The following CADPS2 variants were observed in gnomAD, a reference collection of about 807,000 sequenced individuals.
CADPS2 encodes the protein calcium-dependent secretion activator 2.
A neutral mutation model predicts 172.5 loss-of-function variants in CADPS2; 93 were observed. The observed-to-expected ratio is 0.54, with a 90% CI of 0.46 to 0.64. CADPS2 has a LOEUF of 0.64. Among genes scored for constraint, CADPS2 ranks in the 30% least tolerant of loss-of-function variants. The pLI is 0.00. For missense variants in CADPS2, 1,420 were observed against 1,565.9 expected (o/e 0.91, Z 1.57); for synonymous variants, 546 against 555.2 (o/e 0.98, Z 0.23).
intron 1 of CADPS2, among the ~76,000 whole-genome samples, chr7:122,847,547 G>T (rs1160132530): frequency 6.6e-6 from 1 of 151,488 alleles, no homozygotes; most frequent in Non-Finnish European, 1.5e-5. Flanking sequence ...CCATTAGTTT[G>T]TTATATAAAA....
intron 25 of CADPS2, among the ~76,000 whole-genome samples, chr7:122,364,859 A>G (rs967430277): frequency 6.6e-6 from 1 of 152,228 alleles, no homozygotes. Context: ...AGAGATAGAC[A>G]TGAACATAAC....
chr7:122,438,410 C>T lies in CADPS2; in HGVS notation c.2407G>A (p.Val803Ile). ...PIPAEEVKKV[V>I]RKCLEKAALI... ...GCAGCTTTCTCGAGACATTTTCTGA[C>T]CACTTTCTTCACCTCTTCTGCTGGT... The change falls in exon 17 of 30, where the codon GTC (valine) becomes ATC (isoleucine). Residue 803 changes from valine to isoleucine, a missense_variant. Physicochemically the swap from Val to Ile is conservative, Grantham distance 29. Coordinates refer to ENST00000449022, the MANE Select transcript of CADPS2 (RefSeq NM_017954.11). 1.2e-6 allele frequency: 2 copies of T among 1,613,202 alleles called. No individual in the cohort carries two copies. The highest frequency in any genetic ancestry group is 1.7e-6 in the Non-Finnish European group (2 of 1,179,412).
At chr7:122,514,328 AT>A (rs200119221) in intron 8 of CADPS2, among the ~76,000 whole-genome samples, 2,129 of 152,232 alleles carry the variant, frequency 0.014, 52 homozygotes, top group African/African-American at 0.049. Flanking sequence ...ATTCTGAGTG[AT>A]TTTTTTAAAG....
chr7:122,459,983 G>T lies in CADPS2; in HGVS notation c.2187-8508C>A, dbSNP rs752621099. Among the ~76,000 whole-genome samples, 3 of 152,274 alleles carry T rather than the reference G, an allele frequency of 2.0e-5. No individual in the cohort carries two copies. In the East Asian group the frequency reaches 5.8e-4, roughly 29 times the overall value. On this transcript the variant is annotated intron_variant, in intron 14 of 29. Coordinates refer to ENST00000449022, the MANE Select transcript of CADPS2 (RefSeq NM_017954.11). ...TCAGAGAAGGATTCAGTTTGGAAAT[G>T]ATATTTAACCTGAAATGTGATGAAT...
intron 9 of CADPS2, among the ~76,000 whole-genome samples, chr7:122,512,791 TA>T (rs1460819287): frequency 6.6e-6 from 1 of 152,188 alleles, no homozygotes; most frequent in Non-Finnish European, 1.5e-5. Flanking sequence ...TCTCAAGGTA[TA>T]GTCTTGGAAT....
chr7:122,885,113 T>C (rs1823983026), intron 1 of CADPS2, among the ~76,000 whole-genome samples: 1 of 152,186 alleles, frequency 6.6e-6, no homozygotes, highest in African/African-American at 2.4e-5. Context: ...AAAGATTTCC[T>C]AGAGTTTGTA....
At chr7:122,361,445 G>A (rs1009591437) in intron 25 of CADPS2, among the ~76,000 whole-genome samples, 1 of 151,866 alleles carries the variant, frequency 6.6e-6, no homozygotes, top group African/African-American at 2.4e-5. Context: ...TATTGGCCAG[G>A]CTGGTCTCAA....
At chr7:122,530,682 A>T (rs2061682159) in intron 8 of CADPS2, among the ~76,000 whole-genome samples, 1 of 152,202 alleles carries the variant, frequency 6.6e-6, no homozygotes, top group Admixed American at 6.5e-5. Flanking sequence ...TAAAAACTAC[A>T]CATAACTATT....
chr7:122,819,503 G>T (rs916750504), intron 1 of CADPS2, among the ~76,000 whole-genome samples: 43 of 152,064 alleles, frequency 2.8e-4, no homozygotes, highest in Admixed American at 9.2e-4. Context: ...CAGTACAGAG[G>T]CTACCCACTC....
At chr7:122,718,479 G>A (rs2089961298) in intron 2 of CADPS2, among the ~76,000 whole-genome samples, 1 of 152,066 alleles carries the variant, frequency 6.6e-6, no homozygotes, top group Non-Finnish European at 1.5e-5. Context: ...CAGTCTTACA[G>A]GACAGGAAAA....
intron 1 of CADPS2, among the ~76,000 whole-genome samples, chr7:122,790,868 A>G (rs1267132175): frequency 6.6e-6 from 1 of 152,222 alleles, no homozygotes; most frequent in Admixed American, 6.5e-5. Flanking sequence ...GCCCATCATT[A>G]TAATTTTTCC....
chr7:122,824,355 T>C (rs950049702), intron 1 of CADPS2, among the ~76,000 whole-genome samples: 1 of 152,216 alleles, frequency 6.6e-6, no homozygotes, highest in Admixed American at 6.5e-5. Context: ...CCAACACAAC[T>C]CTCATATAGG....
intron 6 of CADPS2, among the ~76,000 whole-genome samples, chr7:122,590,288 G>A (rs532689149): frequency 8.6e-5 from 13 of 151,958 alleles, no homozygotes; most frequent in Admixed American, 3.9e-4. Flanking sequence ...CAAACCAATG[G>A]ACTGGAACAG....
intron 9 of CADPS2, among the ~76,000 whole-genome samples, chr7:122,496,412 C>A (rs2058734431): frequency 1.3e-5 from 2 of 152,178 alleles, no homozygotes; most frequent in African/African-American, 2.4e-5. Flanking sequence ...ATCCACCTGC[C>A]TTGGCCTCCC....
chr7:122,320,726 A>G (rs2032252239), intron 29 of CADPS2, among the ~76,000 whole-genome samples: 1 of 152,172 alleles, frequency 6.6e-6, no homozygotes, highest in Admixed American at 6.5e-5. Flanking sequence ...ATACTGAAAA[A>G]TACATTATAT....
In CADPS2 at chr7:122,680,033, AGGC is replaced by A. The variant is rs1168768168; in HGVS notation, c.454-16467_454-16465del. ...AATGAACAAAGACAGCCAGCCTATG[AGGC>A]TAGAAGCAAGATAGAGTCAGCTATG... On this transcript the variant is annotated intron_variant, in intron 2 of 29. Transcript: ENST00000449022. Among the ~76,000 whole-genome samples the A allele has an allele frequency of 2.6e-5, 4 of 152,246 alleles. No individual in the cohort carries two copies. The East Asian group carries it at 7.7e-4, about 29-fold the overall frequency.
intron 7 of CADPS2, among the ~76,000 whole-genome samples, chr7:122,570,788 A>G (rs1291289310): frequency 6.6e-6 from 1 of 152,158 alleles, no homozygotes; most frequent in Non-Finnish European, 1.5e-5. Flanking sequence ...CAAGGACAAA[A>G]AACCAAACAC....
At chr7:122,530,627 G>A (rs1586902300) in intron 8 of CADPS2, among the ~76,000 whole-genome samples, 1 of 152,160 alleles carries the variant, frequency 6.6e-6, no homozygotes, top group Middle Eastern at 3.4e-3. Flanking sequence ...ACAACAGTAA[G>A]TTATAACCAA....
chr7:122,448,447 T>C (rs756970595), intron 15 of CADPS2, among the ~76,000 whole-genome samples: 1 of 152,170 alleles, frequency 6.6e-6, no homozygotes, highest in Non-Finnish European at 1.5e-5. Flanking sequence ...CATATCAGGA[T>C]TGTATAGTAC....
Sources: allele counts gnomAD v4.1 joint callset (sites outside exome capture counted in the v4.1 genomes callset), GRCh38; gene constraint gnomAD v4.1.1; transcripts MANE v1.5; gene names NCBI Gene and HGNC (gene_info 2026-07-23, HGNC 2026-07-21).